The following RBMS3 variants were observed in gnomAD, a reference collection of about 807,000 sequenced individuals.
The protein encoded by RBMS3 is RNA binding motif single stranded interacting protein 3.
In RBMS3, 27 loss-of-function variants were observed where a neutral mutation model predicts 66.8. That is an observed-to-expected ratio of 0.40 (90% CI 0.30 to 0.56). The LOEUF (loss-of-function observed/expected upper bound fraction) is 0.56. Ranked by LOEUF, RBMS3 falls within the 20% of genes least tolerant of loss-of-function variation. The probability of loss-of-function intolerance (pLI) is 0.40; values close to 1 mark genes in which losing one functional copy is unlikely to be tolerated. For synonymous variants in RBMS3, 188 were observed against 183.0 expected, an observed-to-expected ratio of 1.03 and a Z score of -0.22; for missense variants, 513 against 549.5, an observed-to-expected ratio of 0.93 and a Z score of 0.66.
chr3:29,502,031 G>A (rs2043994831), intron 3 of RBMS3, among the ~76,000 whole-genome samples: 1 of 152,026 alleles, frequency 6.6e-6, no homozygotes, highest in African/African-American at 2.4e-5. Context: ...TCATCAGAAG[G>A]GCAAATTTGT....
intron 1 of RBMS3, among the ~76,000 whole-genome samples, chr3:29,344,401 CGTA>C (rs1218870020): frequency 6.6e-6 from 1 of 152,100 alleles, no homozygotes; most frequent in Non-Finnish European, 1.5e-5. Context: ...CTCCAAAAAA[CGTA>C]GTATTTCTCT....
chr3:29,491,708 G>A (rs184425405), intron 3 of RBMS3, among the ~76,000 whole-genome samples: 95 of 152,206 alleles, frequency 6.2e-4, no homozygotes, highest in African/African-American at 2.1e-3. Flanking sequence ...TTGGACAGCG[G>A]TTAGGCCGGG....
chr3:29,501,588 A>G (rs2043976271), intron 3 of RBMS3, among the ~76,000 whole-genome samples: 1 of 152,130 alleles, frequency 6.6e-6, no homozygotes, highest in Non-Finnish European at 1.5e-5. Flanking sequence ...TTGTTGCATC[A>G]AGGGTCAGCC....
At chr3:29,670,585 G>A (rs1379121841) in intron 4 of RBMS3, among the ~76,000 whole-genome samples, 1 of 152,184 alleles carries the variant, frequency 6.6e-6, no homozygotes, top group Non-Finnish European at 1.5e-5. Flanking sequence ...CTTAGCAAAT[G>A]GCACACCAGG....
chr3:29,415,940 G>A (rs959927305), intron 1 of RBMS3, among the ~76,000 whole-genome samples: 8 of 152,112 alleles, frequency 5.3e-5, no homozygotes, highest in Non-Finnish European at 8.8e-5. Context: ...GAGCCATCAG[G>A]AAAAGTGTCC....
chr3:29,386,842 G>C (rs115444398), intron 1 of RBMS3, among the ~76,000 whole-genome samples: 1 of 151,990 alleles, frequency 6.6e-6, no homozygotes, highest in Non-Finnish European at 1.5e-5. Context: ...TCCACTACTC[G>C]AGCAAAATGA....
intron 2 of RBMS3, among the ~76,000 whole-genome samples, chr3:29,477,389 A>T (rs1285893493): frequency 6.6e-6 from 1 of 152,158 alleles, no homozygotes; most frequent in African/African-American, 2.4e-5. Context: ...AATATATGGT[A>T]TCCACTAATC....
At chr3:29,958,527 C>T (rs1443932233) in intron 12 of RBMS3, among the ~76,000 whole-genome samples, 3 of 151,962 alleles carry the variant, frequency 2.0e-5, no homozygotes, top group Non-Finnish European at 2.9e-5. Context: ...TTGATGCCCT[C>T]GAACTTGGCT....
intron 1 of RBMS3, among the ~76,000 whole-genome samples, chr3:29,417,791 A>G (rs989599995): frequency 1.3e-5 from 2 of 148,686 alleles, no homozygotes; most frequent in Non-Finnish European, 3.0e-5. Flanking sequence ...AAGTATTTTC[A>G]GAAGTGACAC....
chr3:29,850,592 T>C (rs1417295317), intron 6 of RBMS3, among the ~76,000 whole-genome samples: 1 of 152,208 alleles, frequency 6.6e-6, no homozygotes, highest in Non-Finnish European at 1.5e-5. Context: ...GAGCTACATG[T>C]GTAAGGATAA....
chr3:29,801,034 C>T lies in RBMS3; in HGVS notation c.637+38045C>T, dbSNP rs1419056517. Among the ~76,000 whole-genome samples, 7 of 151,148 alleles carry T rather than the reference C, an allele frequency of 4.6e-5. No homozygotes were observed. In the East Asian group the frequency reaches 7.8e-4, roughly 17 times the overall value. ...ACACACACACACACACACCTGTAAACGGAATGAATAAAGTGGGTCATAATA... is the reference window on the plus strand; with the variant it reads ...ACACACACACACACACACCTGTAAATGGAATGAATAAAGTGGGTCATAATA... On this transcript the variant is annotated intron_variant, in intron 6 of 14. Transcript: ENST00000383767.
At chr3:29,954,202 T>G (rs1425373878) in intron 12 of RBMS3, among the ~76,000 whole-genome samples, 1 of 151,860 alleles carries the variant, frequency 6.6e-6, no homozygotes, top group African/African-American at 2.4e-5. Flanking sequence ...CATCATGTGC[T>G]TCCTCACTTT....
intron 6 of RBMS3, among the ~76,000 whole-genome samples, chr3:29,782,487 A>G (rs554921164): frequency 1.7e-4 from 26 of 152,338 alleles, no homozygotes; most frequent in Middle Eastern, 6.8e-3. Context: ...GGAGGAGAAC[A>G]CCACATCAAG....
chr3:29,850,512 T>C (rs2058906548), intron 6 of RBMS3, among the ~76,000 whole-genome samples: 1 of 152,164 alleles, frequency 6.6e-6, no homozygotes, highest in Admixed American at 6.5e-5. Flanking sequence ...GTTTTTTTAG[T>C]TTTTTGGGCT....
intron 1 of RBMS3, among the ~76,000 whole-genome samples, chr3:29,293,458 GCTTA>G (rs1414035661): frequency 8.6e-5 from 13 of 151,800 alleles, no homozygotes; most frequent in African/African-American, 2.9e-4. Context: ...GTGCAGTCAT[GCTTA>G]CTTACTCTGG....
intron 4 of RBMS3, among the ~76,000 whole-genome samples, chr3:29,627,257 G>GTCTC (rs10632731): frequency 2.7e-5 from 4 of 149,632 alleles, no homozygotes; most frequent in East Asian, 3.9e-4. Flanking sequence ...GAGTATCTCT[G>GTCTC]TCTCTCTCTC....
intron 6 of RBMS3, among the ~76,000 whole-genome samples, chr3:29,764,679 T>C (rs1239192431): frequency 6.6e-6 from 1 of 152,126 alleles, no homozygotes; most frequent in African/African-American, 2.4e-5. Flanking sequence ...CTTGCCCTGA[T>C]TGATTTGAAA....
chr3:29,771,945 A>T (rs909318192), intron 6 of RBMS3, among the ~76,000 whole-genome samples: 1 of 152,006 alleles, frequency 6.6e-6, no homozygotes, highest in Non-Finnish European at 1.5e-5. Flanking sequence ...TCCAACACTG[A>T]GGATTACAAT....
At chr3:29,354,272 G>A (rs2037088728) in intron 1 of RBMS3, among the ~76,000 whole-genome samples, 1 of 152,000 alleles carries the variant, frequency 6.6e-6, no homozygotes, top group Non-Finnish European at 1.5e-5. Flanking sequence ...GTGTATATAT[G>A]TGTTTACATA....
Sources: allele counts gnomAD v4.1 joint callset (sites outside exome capture counted in the v4.1 genomes callset), GRCh38; gene constraint gnomAD v4.1.1; transcripts MANE v1.5; gene names NCBI Gene and HGNC (gene_info 2026-07-23, HGNC 2026-07-21).